FARP1: variants seen among roughly 807,000 people sequenced by gnomAD.
FARP1 encodes FERM, ARHGEF and pleckstrin domain-containing protein 1.
Under a neutral mutation model 128.8 loss-of-function variants are expected in FARP1, and 52 were observed. The ratio of observed to expected loss-of-function variants is 0.40; its 90% CI spans 0.32 to 0.51. FARP1 has a LOEUF of 0.51. Among genes scored for constraint, FARP1 ranks in the 20% least tolerant of loss-of-function variants. The pLI, the probability that FARP1 is intolerant of heterozygous loss-of-function variation, is 0.45. For missense variants in FARP1, 1,333 were observed against 1,367.9 expected (o/e 0.97, Z 0.40); for synonymous variants, 580 against 551.8 (o/e 1.05, Z -0.72).
chr13:98,436,960 G>A (rs1892293973), intron 19 of FARP1, among the ~76,000 whole-genome samples: 1 of 152,200 alleles, frequency 6.6e-6, no homozygotes, highest in Non-Finnish European at 1.5e-5. Context: ...AAGAACCTTG[G>A]ATTGGAGGAG....
chr13:98,153,330 A>ATAATATATATAAATAATATATATT (rs71120310), intron 1 of FARP1, among the ~76,000 whole-genome samples: 9 of 130,200 alleles, frequency 6.9e-5, no homozygotes, highest in South Asian at 6.7e-4. Flanking sequence ...TAAATAATAT[A>ATAATATATATAAATAATATATATT]ATATATAAAA....
chr13:98,402,451 G>A (rs1009655125), intron 13 of FARP1: 6 of 152,286 alleles, frequency 3.9e-5, no homozygotes, highest in Non-Finnish European at 8.8e-5. Flanking sequence ...AGTGGGAAAT[G>A]ATAGAAGGGT....
In FARP1 at chr13:98,239,590, C is replaced by T. The variant is rs146741674; in HGVS notation, c.171+26177C>T. Among the ~76,000 whole-genome samples, 427 of 152,156 alleles carry T rather than the reference C, an allele frequency of 2.8e-3. 2 individuals are homozygous for T. The highest frequency in any genetic ancestry group is 9.3e-3 in the African/African-American group (388 of 41,526). ...CTCCAGCATGAGTGGGGCTGAGGTC[C>T]GGATTAGGCAGTGCTGTTAGAGACT... On this transcript the variant is annotated intron_variant, in intron 2 of 26. Coordinates refer to ENST00000319562, the MANE Select transcript of FARP1 (RefSeq NM_005766.4).
intron 2 of FARP1, among the ~76,000 whole-genome samples, chr13:98,278,357 ATAT>A (rs566619584): frequency 9.5e-4 from 145 of 151,976 alleles, no homozygotes; most frequent in African/African-American, 3.4e-3. Context: ...ATGCGAGAGT[ATAT>A]TGTGTTTAAG....
chr13:98,285,236 A>T (rs929679234), intron 2 of FARP1, among the ~76,000 whole-genome samples: 7 of 152,210 alleles, frequency 4.6e-5, no homozygotes, highest in African/African-American at 1.7e-4. Context: ...ACATTAAAAA[A>T]TTTTAAAATA....
chr13:98,279,575 A>T (rs950115852), intron 2 of FARP1, among the ~76,000 whole-genome samples: 2 of 152,286 alleles, frequency 1.3e-5, no homozygotes, highest in South Asian at 2.1e-4. Context: ...ATTTAATTTT[A>T]ATTAACTTAC....
intron 1 of FARP1, among the ~76,000 whole-genome samples, chr13:98,174,638 A>G (rs912162871): frequency 6.6e-6 from 1 of 152,200 alleles, no homozygotes; most frequent in Non-Finnish European, 1.5e-5. Flanking sequence ...GCTCTATGTG[A>G]AATGCCAGAA....
At chr13:98,421,161 C>G (rs150652466) in intron 16 of FARP1, among the ~76,000 whole-genome samples, 21 of 152,338 alleles carry the variant, frequency 1.4e-4, no homozygotes, top group African/African-American at 5.1e-4. Flanking sequence ...TGGTGCCAAC[C>G]CAGAGCCTTC....
intron 2 of FARP1, among the ~76,000 whole-genome samples, chr13:98,219,476 C>T (rs1881287231): frequency 6.6e-6 from 1 of 151,728 alleles, no homozygotes. Flanking sequence ...GCTGGGACTA[C>T]AGGTGCATGC....
intron 6 of FARP1, chr13:98,384,261 T>C (rs138574141): frequency 0.091 from 14,715 of 161,722 alleles, 1,314 homozygotes; most frequent in African/African-American, 0.24. Context: ...GGCACGATCT[T>C]GGCTCACTGC....
intron 2 of FARP1, among the ~76,000 whole-genome samples, chr13:98,215,277 C>T (rs1880990784): frequency 6.6e-6 from 1 of 152,176 alleles, no homozygotes; most frequent in Admixed American, 6.5e-5. Flanking sequence ...CTGGAAGGAA[C>T]CTTTCTCATG....
intron 2 of FARP1, among the ~76,000 whole-genome samples, chr13:98,313,310 C>G (rs1248789137): frequency 1.0e-5 from 1 of 96,448 alleles, no homozygotes; most frequent in Non-Finnish European, 2.3e-5. Context: ...TCCCCTTCCC[C>G]CAAACACACA....
intron 1 of FARP1, among the ~76,000 whole-genome samples, chr13:98,164,181 A>ATTGTG (rs1877082031): frequency 4.6e-5 from 7 of 152,240 alleles, no homozygotes; most frequent in Admixed American, 4.6e-4. Flanking sequence ...GAAACGAAGG[A>ATTGTG]CAGAAAGGCC....
intron 2 of FARP1, among the ~76,000 whole-genome samples, chr13:98,292,904 G>C (rs1345581195): frequency 1.3e-5 from 2 of 152,082 alleles, no homozygotes. Flanking sequence ...TGAGCTACAC[G>C]ATCCTGTGTA....
intron 1 of FARP1, among the ~76,000 whole-genome samples, chr13:98,143,889 C>T (rs1875287258): frequency 6.6e-6 from 1 of 151,922 alleles, no homozygotes; most frequent in South Asian, 2.1e-4. Context: ...GCCGCAATCT[C>T]GGCCCCTGAG....
At chr13:98,286,048 ACTCT>A (rs1312280629) in intron 2 of FARP1, among the ~76,000 whole-genome samples, 2 of 151,680 alleles carry the variant, frequency 1.3e-5, no homozygotes, top group African/African-American at 2.4e-5. Context: ...CACTGAATTG[ACTCT>A]CTCACTGCTC....
intron 1 of FARP1, among the ~76,000 whole-genome samples, chr13:98,201,617 G>T (rs1401413176): frequency 6.6e-6 from 1 of 152,174 alleles, no homozygotes. Flanking sequence ...TTGGACTCAG[G>T]TGTTTGAGTA....
intron 2 of FARP1, among the ~76,000 whole-genome samples, chr13:98,290,437 C>A (rs1885398324): frequency 6.6e-6 from 1 of 151,856 alleles, no homozygotes; most frequent in Non-Finnish European, 1.5e-5. Context: ...TTTTAGAGAG[C>A]AAAAAGAGAA....
chr13:98,410,102 C>A (rs574658224), intron 14 of FARP1, among the ~76,000 whole-genome samples: 1 of 152,368 alleles, frequency 6.6e-6, no homozygotes, highest in South Asian at 2.1e-4. Flanking sequence ...TGTGTACACC[C>A]AGCAGTGGAG....
Sources: gnomAD v4.1 joint callset for allele counts (sites outside exome capture counted in the v4.1 genomes callset) on GRCh38, gnomAD v4.1.1 for gene constraint, MANE v1.5 for transcripts, NCBI Gene and HGNC (gene_info 2026-07-23, HGNC 2026-07-21) for gene names.